The following CDH13 variants were observed in gnomAD, a reference collection of about 807,000 sequenced individuals.
CDH13 encodes the protein cadherin 13, also known as cadherin-13.
CDH13 carries 24 observed loss-of-function variants against 63.8 expected under a neutral mutation model. That is an observed-to-expected ratio of 0.38 (90% CI 0.27 to 0.53). CDH13 has a LOEUF of 0.53. Ranked by LOEUF, CDH13 falls within the 20% of genes least tolerant of loss-of-function variation. The pLI is 0.85. For synonymous variants in CDH13, 503 were observed against 355.3 expected (o/e 1.42, Z -4.67); for missense variants, 1,049 against 903.1 (o/e 1.16, Z -2.07).
intron 10 of CDH13, 26 bp downstream of exon 10, chr16:83,678,487 G>A (rs1297359570): frequency 2.5e-6 from 4 of 1,612,738 alleles, no homozygotes; most frequent in Non-Finnish European, 3.4e-6. Flanking sequence ...CGGAACCACA[G>A]ACGGGAGGTG....
intron 7 of CDH13, among the ~76,000 whole-genome samples, chr16:83,492,365 C>G (rs1052654221): frequency 6.6e-6 from 1 of 152,136 alleles, no homozygotes; most frequent in Non-Finnish European, 1.5e-5. Flanking sequence ...ACACACAATT[C>G]AATCATGCTG....
chr16:82,710,894 G>C (rs897735508), intron 1 of CDH13, among the ~76,000 whole-genome samples: 1 of 150,254 alleles, frequency 6.7e-6, no homozygotes, highest in African/African-American at 2.5e-5. Context: ...ATATATGAAA[G>C]AACAGTTTGA....
intron 1 of CDH13, among the ~76,000 whole-genome samples, chr16:82,769,111 C>A (rs1054721718): frequency 1.3e-5 from 2 of 152,136 alleles, no homozygotes; most frequent in African/African-American, 4.8e-5. Context: ...ATGAGTCTAA[C>A]CATTTTATAT....
chr16:83,516,061 T>C (rs1217524454), intron 7 of CDH13, among the ~76,000 whole-genome samples: 2 of 152,220 alleles, frequency 1.3e-5, no homozygotes, highest in Non-Finnish European at 2.9e-5. Flanking sequence ...AAAAATTCGC[T>C]TTTCCAAGTT....
At chr16:83,675,651 C>T (rs956215224) in intron 9 of CDH13, among the ~76,000 whole-genome samples, 3 of 152,200 alleles carry the variant, frequency 2.0e-5, no homozygotes, top group Non-Finnish European at 2.9e-5. Flanking sequence ...CAACAATCCT[C>T]TGTACTAGGA....
At chr16:83,579,407 G>A (rs971503912) in intron 7 of CDH13, among the ~76,000 whole-genome samples, 7 of 152,178 alleles carry the variant, frequency 4.6e-5, no homozygotes, top group South Asian at 2.1e-4. Flanking sequence ...GAGGCCTCAG[G>A]AAACTTACAA....
At chr16:82,661,886 C>T (rs1241059069) in intron 1 of CDH13, among the ~76,000 whole-genome samples, 1 of 152,212 alleles carries the variant, frequency 6.6e-6, no homozygotes, top group Non-Finnish European at 1.5e-5. Flanking sequence ...TAAATCTGCA[C>T]TGTCTAATAT....
intron 7 of CDH13, among the ~76,000 whole-genome samples, chr16:83,564,229 C>A (rs1171262041): frequency 1.3e-5 from 2 of 151,998 alleles, no homozygotes; most frequent in African/African-American, 2.4e-5. Flanking sequence ...TGGACCGAGT[C>A]TGTATTTTCA....
At chr16:83,784,675 C>T (rs1192527524) in intron 13 of CDH13, among the ~76,000 whole-genome samples, 2 of 151,240 alleles carry the variant, frequency 1.3e-5, no homozygotes, top group Non-Finnish European at 2.9e-5. Flanking sequence ...TATAGCATTT[C>T]ACTGGCCCTT....
intron 4 of CDH13, among the ~76,000 whole-genome samples, chr16:83,210,904 C>G (rs1222364115): frequency 6.6e-6 from 1 of 150,700 alleles, no homozygotes; most frequent in Non-Finnish European, 1.5e-5. Context: ...AATCCGAGCA[C>G]TTTGGGAGGC....
intron 2 of CDH13, among the ~76,000 whole-genome samples, chr16:82,964,770 G>C (rs1317423505): frequency 6.6e-6 from 1 of 152,148 alleles, no homozygotes; most frequent in Non-Finnish European, 1.5e-5. Flanking sequence ...TATCCGACAG[G>C]AAAAATATCT....
rs766275817 is a variant in CDH13 at position 82,899,551 on chromosome 16, C to T, written c.157+41078C>T. On this transcript the variant is annotated intron_variant, in intron 2 of 13. Coordinates refer to ENST00000567109, the MANE Select transcript of CDH13 (RefSeq NM_001257.5). ...TAGTACAAGCCCTAGTTTCGGAACT[C>T]AGAAATAAATGAGGCAATGCCTGCA... Among the ~76,000 whole-genome samples the T allele has an allele frequency of 3.7e-4, 57 of 152,162 alleles. 1 individual carries two copies. Among genetic ancestry groups the T allele is most frequent in the Non-Finnish European group, 6.9e-4 (47 of 68,018 alleles).
chr16:82,878,249 C>G (rs753915718), intron 2 of CDH13, among the ~76,000 whole-genome samples: 4 of 151,884 alleles, frequency 2.6e-5, no homozygotes, highest in Admixed American at 2.0e-4. Context: ...TTATCTCTAC[C>G]CAAGGCTTAC....
At chr16:83,011,464 C>G (rs758362321) in intron 2 of CDH13, among the ~76,000 whole-genome samples, 4 of 152,180 alleles carry the variant, frequency 2.6e-5, no homozygotes, top group Non-Finnish European at 5.9e-5. Context: ...AAAGCCCTTC[C>G]TCTCACATAT....
At chr16:82,722,032 C>T (rs955914071) in intron 1 of CDH13, among the ~76,000 whole-genome samples, 3 of 152,206 alleles carry the variant, frequency 2.0e-5, no homozygotes, top group Non-Finnish European at 4.4e-5. Context: ...CTGGGCCCAT[C>T]GGGAGGCAGG....
At chr16:83,725,554 G>C (rs1455169729) in intron 10 of CDH13, 8 of 152,334 alleles carry the variant, frequency 5.3e-5, no homozygotes, top group Non-Finnish European at 8.8e-5. Context: ...TGGTGATTTG[G>C]TTACATCCAG....
chr16:83,175,454 G>C (rs2038084582), intron 4 of CDH13, among the ~76,000 whole-genome samples: 1 of 152,090 alleles, frequency 6.6e-6, no homozygotes, highest in Non-Finnish European at 1.5e-5. Flanking sequence ...GGAGACTGGG[G>C]AAGAGGAAGG....
At position 83,382,973 on chromosome 16, in the gene CDH13, A is replaced by G. The variant is rs1037734033; in HGVS notation, c.781+37967A>G. The G allele has an allele frequency of 3.4e-4, 52 of 152,214 alleles. 2 individuals are homozygous for G. The highest frequency in any genetic ancestry group is 1.2e-3 in the African/African-American group (50 of 41,454). 9.4% of individuals were successfully genotyped at this position (152,214 alleles called of 1,614,324 possible). A position where few individuals can be genotyped will look rare whatever the true frequency, so the allele number is the denominator to read the frequency against. ...GCAGTGTGCAAGACAGACCCCAAGA[A>G]TTATCCAGTCAAAAATCTTGAAAGA... is the stretch of plus-strand genomic sequence containing the variant. On this transcript the variant is annotated intron_variant, in intron 6 of 13. Coordinates refer to ENST00000567109, the MANE Select transcript of CDH13 (RefSeq NM_001257.5).
In CDH13 at chr16:82,627,517, A is replaced by T. The variant is rs189617346; in HGVS notation, c.45+380A>T. ...GTGCATTGGAGAAAGACTCAGTTAGAGGCGACTCCAACGAGCCGCGGTTTT... is the reference window on the plus strand; with the variant it reads ...GTGCATTGGAGAAAGACTCAGTTAGTGGCGACTCCAACGAGCCGCGGTTTT... On this transcript the variant is annotated intron_variant, in intron 1 of 13. Transcript: ENST00000567109. 4.7e-3 allele frequency among the ~76,000 whole-genome samples: 709 copies of T among 152,220 alleles called. 3 individuals carry two copies. The highest frequency in any genetic ancestry group is 0.016 in the South Asian group (77 of 4,826).
Sources: gnomAD v4.1 joint callset for allele counts (sites outside exome capture counted in the v4.1 genomes callset) on GRCh38, gnomAD v4.1.1 for gene constraint, MANE v1.5 for transcripts, NCBI Gene and HGNC (gene_info 2026-07-23, HGNC 2026-07-21) for gene names.